The following NAV1 variants were observed in gnomAD, a reference collection of about 807,000 sequenced individuals.
The protein encoded by NAV1 is pore membrane and/or filament interacting like protein 3.
In NAV1, 18 loss-of-function variants were observed where a neutral mutation model predicts 175.2. That is an observed-to-expected ratio of 0.10 (90% CI 0.07 to 0.15). The LOEUF (loss-of-function observed/expected upper bound fraction) is 0.15, where lower values mean the gene tolerates loss of function less well. Ranked by LOEUF, NAV1 falls within the 10% of genes least tolerant of loss-of-function variation. NAV1 has a pLI of 1.00. For missense variants in NAV1, 1,731 were observed against 2,436.6 expected, an observed-to-expected ratio of 0.71 and a Z score of 6.10; for synonymous variants, 897 against 978.7, an observed-to-expected ratio of 0.92 and a Z score of 1.56.
chr1:201,662,848 C>G (rs941777133), intron 1 of NAV1, among the ~76,000 whole-genome samples: 5 of 146,632 alleles, frequency 3.4e-5, no homozygotes, highest in Non-Finnish European at 7.5e-5. Context: ...TCAATTCAGC[C>G]CTGATACTTT....
At chr1:201,546,798 G>A (rs1406952089) in intron 1 of NAV1, among the ~76,000 whole-genome samples, 1 of 151,426 alleles carries the variant, frequency 6.6e-6, no homozygotes, top group African/African-American at 2.4e-5. Context: ...CAGCTACTCA[G>A]GGGGCTGAGG....
intron 1 of NAV1, among the ~76,000 whole-genome samples, chr1:201,583,078 G>A (rs554259375): frequency 2.0e-5 from 3 of 152,400 alleles, no homozygotes; most frequent in African/African-American, 7.2e-5. Flanking sequence ...GTGCAGCTCA[G>A]CCCATCTTCT....
upstream of NAV1, chr1:201,648,176 G>T: frequency 1.1e-6 from 1 of 924,802 alleles, no homozygotes; most frequent in Non-Finnish European, 1.3e-6. Context: ...GCTCGGAGCT[G>T]CAGCCTGCAG....
At chr1:201,791,398 T>C (rs1677106267) in intron 13 of NAV1, 1 of 152,622 alleles carries the variant, frequency 6.6e-6, no homozygotes, top group African/African-American at 2.4e-5. Flanking sequence ...AACGAGTCTA[T>C]TTCTTTAGAC....
chr1:201,734,891 C>A (rs1486608790), intron 3 of NAV1, among the ~76,000 whole-genome samples: 2 of 152,228 alleles, frequency 1.3e-5, no homozygotes, highest in African/African-American at 4.8e-5. Context: ...GCTAGGATTA[C>A]TGAGACGGTA....
chr1:201,774,131 T>A (rs1010257133), intron 3 of NAV1, among the ~76,000 whole-genome samples: 1 of 131,948 alleles, frequency 7.6e-6, no homozygotes, highest in Non-Finnish European at 1.7e-5. Flanking sequence ...GTTGCCCAGC[T>A]CTCTTTTCTG....
At chr1:201,628,952 C>T (rs1312144063) in intron 1 of NAV1, among the ~76,000 whole-genome samples, 2 of 152,158 alleles carry the variant, frequency 1.3e-5, no homozygotes, top group Non-Finnish European at 2.9e-5. Context: ...GCCTGTGTGC[C>T]CCCTGAGCTA....
chr1:201,642,525 T>TTTTCTTTTTCTTTCTTTCTTTCTTTC (rs1668808287), intron 2 of NAV1, among the ~76,000 whole-genome samples: 2 of 100,306 alleles, frequency 2.0e-5, no homozygotes, highest in Non-Finnish European at 4.1e-5. Context: ...TTCTTTCTTT[T>TTTTCTTTTTCTTTCTTTCTTTCTTTC]TTTCTTTCTT....
intron 2 of NAV1, among the ~76,000 whole-genome samples, chr1:201,600,407 T>C (rs935374527): frequency 2.6e-5 from 4 of 152,224 alleles, no homozygotes; most frequent in African/African-American, 9.7e-5. Context: ...TTCAAAAAGT[T>C]TGTGTCTCTT....
chr1:201,698,864 C>T (rs992933099), intron 1 of NAV1, among the ~76,000 whole-genome samples: 18 of 152,240 alleles, frequency 1.2e-4, no homozygotes, highest in Non-Finnish European at 1.9e-4. Flanking sequence ...TACTGGTTCT[C>T]TTCTGCCGCT....
At chr1:201,745,210 G>A (rs1673693344) in intron 3 of NAV1, among the ~76,000 whole-genome samples, 1 of 152,134 alleles carries the variant, frequency 6.6e-6, no homozygotes, top group Admixed American at 6.5e-5. Context: ...ACTCATGATT[G>A]GGTAAGAAAT....
At chr1:201,760,744 C>G (rs1030745153) in intron 3 of NAV1, among the ~76,000 whole-genome samples, 2 of 152,152 alleles carry the variant, frequency 1.3e-5, no homozygotes, top group Non-Finnish European at 2.9e-5. Flanking sequence ...GGATGGGAGT[C>G]TCTTTATGTG....
chr1:201,623,090 C>T (rs1668223455), exon 1 of NAV1: 1 of 985,968 alleles, frequency 1.0e-6, no homozygotes, highest in Non-Finnish European at 1.2e-6. Context: ...AGAAACTCCT[C>T]TCCTAGGGCC....
intron 3 of NAV1, among the ~76,000 whole-genome samples, chr1:201,778,445 T>G (rs1248130277): frequency 6.6e-6 from 1 of 152,202 alleles, no homozygotes; most frequent in Non-Finnish European, 1.5e-5. Flanking sequence ...TTGCCAAAGA[T>G]CTTATCTTGA....
chr1:201,627,157 C>G (rs1044274742), intron 1 of NAV1, among the ~76,000 whole-genome samples: 1 of 152,224 alleles, frequency 6.6e-6, no homozygotes, highest in Non-Finnish European at 1.5e-5. Flanking sequence ...TGCAGTGGCA[C>G]AGTCATAGCT....
intron 3 of NAV1, among the ~76,000 whole-genome samples, chr1:201,767,930 CAT>C (rs1675314542): frequency 6.6e-6 from 1 of 152,180 alleles, no homozygotes; most frequent in Non-Finnish European, 1.5e-5. Flanking sequence ...AAGTCCAAAA[CAT>C]ATTCCCTTGT....
intron 13 of NAV1, chr1:201,793,503 A>G (rs1355383721): frequency 5.3e-6 from 2 of 379,916 alleles, no homozygotes; most frequent in Non-Finnish European, 9.9e-6. Flanking sequence ...GGATAGTCCT[A>G]CCTCTGGTAG....
chr1:201,585,127 G>T (rs574066541), intron 1 of NAV1, among the ~76,000 whole-genome samples: 18 of 152,338 alleles, frequency 1.2e-4, no homozygotes, highest in African/African-American at 4.1e-4. Flanking sequence ...GCTTTGGGCA[G>T]GTCATTGGGC....
exon 8 of NAV1, chr1:201,785,350 A>G: frequency 1.2e-6 from 2 of 1,611,938 alleles, no homozygotes; most frequent in Non-Finnish European, 1.7e-6. Context: ...GAAAGGGCTC[A>G]GGTAACCCTT....
Sources: gnomAD v4.1 joint callset for allele counts (sites outside exome capture counted in the v4.1 genomes callset) on GRCh38, gnomAD v4.1.1 for gene constraint, MANE v1.5 for transcripts, NCBI Gene and HGNC (gene_info 2026-07-23, HGNC 2026-07-21) for gene names.